Variants in PCDHGA11 observed in about 807,000 individuals in gnomAD.
The protein encoded by PCDHGA11 is protocadherin gamma subfamily A, 11.
Under a neutral mutation model 60.4 loss-of-function variants are expected in PCDHGA11, and 39 were observed. The ratio of observed to expected loss-of-function variants is 0.65; its 90% CI spans 0.50 to 0.84. The LOEUF is 0.84. Among genes scored for constraint, PCDHGA11 ranks in the 40% least tolerant of loss-of-function variants. The probability of loss-of-function intolerance (pLI) is 0.00; values close to 1 mark genes in which losing one functional copy is unlikely to be tolerated. For synonymous variants in PCDHGA11, 533 were observed against 510.3 expected (o/e 1.04, Z -0.60); for missense variants, 1,165 against 1,197.7 (o/e 0.97, Z 0.40).
At position 141,431,435 on chromosome 5, in the gene PCDHGA11, G is replaced by A. The variant is rs376827063; in HGVS notation, c.2433+7775G>A. ...GGGCGACCCGGTGCGCACAGGCACC[G>A]CGCGCATCCGCGTGATGGTTCTGGA... On this transcript the variant is annotated intron_variant, in intron 1 of 3. Coordinates refer to ENST00000398587, the MANE Select transcript of PCDHGA11 (RefSeq NM_018914.3). The surrounding 1 kb of genome is among the most constrained non-coding windows in gnomAD (Gnocchi z 4.8). 2.5e-6 allele frequency: 4 copies of A among 1,613,550 alleles called. No homozygotes were observed. Among genetic ancestry groups the A allele is most frequent in the Non-Finnish European group, 3.4e-6 (4 of 1,180,034 alleles).
rs775170753 is a variant in PCDHGA11, at chr5:141,423,219, T to G, written c.1992T>G (p.Ala664=). The G allele has an allele frequency of 2.5e-6, 4 of 1,613,752 alleles. No homozygotes were observed. The highest frequency in any genetic ancestry group is 3.4e-6 in the Non-Finnish European group (4 of 1,180,028). Residue 664 remains alanine, a synonymous_variant, in exon 1 of 4, where the codon GCT becomes GCG. Transcript: ENST00000398587. ...PLSATVTLTV[A]VADSIPEVLA... ...CGGCCACCGTCACGCTCACCGTGGC[T>G]GTGGCCGACAGCATCCCCGAAGTCC...
At chr5:141,501,600 C>G (rs1320824291) in intron 2 of PCDHGA11, among the ~76,000 whole-genome samples, 1 of 152,040 alleles carries the variant, frequency 6.6e-6, no homozygotes, top group Admixed American at 6.6e-5. Flanking sequence ...TCTACCAGTT[C>G]CAGCTGTGTG....
At chr5:141,460,912 GTA>G (rs34683754) in intron 1 of PCDHGA11, among the ~76,000 whole-genome samples, 12 of 149,310 alleles carry the variant, frequency 8.0e-5, no homozygotes, top group African/African-American at 7.4e-5. Flanking sequence ...ATTCCATGGT[GTA>G]TATATATATA....
intron 1 of PCDHGA11, chr5:141,428,444 T>C (rs2097139811): frequency 5.3e-6 from 2 of 379,264 alleles, no homozygotes; most frequent in Non-Finnish European, 1.0e-5. Context: ...AGACCAGGGG[T>C]TTTTCCCAAC....
chr5:141,453,669 G>T (rs1390396079), intron 1 of PCDHGA11, among the ~76,000 whole-genome samples: 1 of 152,034 alleles, frequency 6.6e-6, no homozygotes, highest in Non-Finnish European at 1.5e-5. Context: ...TTACACAAAA[G>T]GTAACACACT....
chr5:141,451,408 T>C (rs1244686397), intron 1 of PCDHGA11, among the ~76,000 whole-genome samples: 1 of 152,204 alleles, frequency 6.6e-6, no homozygotes, highest in Non-Finnish European at 1.5e-5. Flanking sequence ...ATTAAGTTCC[T>C]TGTGGATTGT....
Position 141,483,506 on chromosome 5 carries a change from T to A in PCDHGA11, c.2434-11301T>A, listed in dbSNP as rs964063329. ...AGGGACAGGGATGAGTCAAGGCTGA[T>A]CCCCCTAGATCCTGACTAAGGAAGC... On this transcript the variant is annotated intron_variant, in intron 1 of 3. Coordinates refer to ENST00000398587, the MANE Select transcript of PCDHGA11 (RefSeq NM_018914.3). Among the ~76,000 whole-genome samples the A allele has an allele frequency of 2.7e-5, 4 of 148,396 alleles. No individual in the cohort carries two copies. In the South Asian group the frequency reaches 8.5e-4, roughly 32 times the overall value.
At position 141,431,392 on chromosome 5, in the gene PCDHGA11, C is replaced by T. The variant is rs572129534; in HGVS notation, c.2433+7732C>T. 3 of 1,613,888 alleles carry T rather than the reference C, an allele frequency of 1.9e-6. No homozygotes were observed. Among genetic ancestry groups the T allele is most frequent in the Non-Finnish European group, 2.5e-6 (3 of 1,180,048 alleles). On this transcript the variant is annotated intron_variant, in intron 1 of 3. Transcript: ENST00000398587. The surrounding 1 kb of genome is among the most constrained non-coding windows in gnomAD (Gnocchi z 4.8). ...AAGAAAAGGCTGCTCACCACCTGGT[C>T]CTTACGGCCTCCGACGGGGGCGACC... is the stretch of plus-strand genomic sequence containing the variant.
rs2099413746 is a variant in PCDHGA11, at chr5:141,477,589, G to A, written c.2434-17218G>A. ...ACCCCGACGCCCCGCAGAATGCTCGGCTTTCTTTCTTTCTCTTGGAGCAAG... is the reference window on the plus strand; with the variant it reads ...ACCCCGACGCCCCGCAGAATGCTCGACTTTCTTTCTTTCTCTTGGAGCAAG... On this transcript the variant is annotated intron_variant, in intron 1 of 3. Transcript: ENST00000398587. The surrounding 1 kb of genome is among the most constrained non-coding windows in gnomAD (Gnocchi z 4.9). 1 of 1,614,012 alleles carries A rather than the reference G, an allele frequency of 6.2e-7. No individual in the cohort carries two copies. The highest frequency in any genetic ancestry group is 1.1e-5 in the South Asian group (1 of 91,090).
chr5:141,432,421 C>T lies in PCDHGA11; in HGVS notation c.2433+8761C>T, dbSNP rs771647620. 10 of 1,614,126 alleles carry T rather than the reference C, an allele frequency of 6.2e-6. No homozygotes were observed. In the African/African-American group the frequency reaches 1.2e-4, roughly 19 times the overall value. ...TGTCGTTGAGCCTGTTCGTGCTGGA[C>T]CAGAACGACAATGCGCCCGAGATCC... On this transcript the variant is annotated intron_variant, in intron 1 of 3. Transcript: ENST00000398587. This position sits in a 1 kb window ranked among gnomAD's most constrained non-coding sequence, Gnocchi z 6.0.
chr5:141,440,997 A>G (rs1191545127), intron 1 of PCDHGA11: 1 of 152,178 alleles, frequency 6.6e-6, no homozygotes, highest in East Asian at 1.9e-4. Context: ...ACCCATATCT[A>G]GTTTGGCCTT....
At chr5:141,509,032 A>G (rs2099873869) in intron 3 of PCDHGA11, among the ~76,000 whole-genome samples, 1 of 151,488 alleles carries the variant, frequency 6.6e-6, no homozygotes, top group African/African-American at 2.4e-5. Flanking sequence ...CTCCCACTCA[A>G]CCCCTCTCCC....
intron 1 of PCDHGA11, chr5:141,492,046 A>C: frequency 6.1e-6 from 3 of 494,434 alleles, no homozygotes; most frequent in South Asian, 8.1e-5. Flanking sequence ...TCACAGATCC[A>C]CCCCTGCAGC....
In PCDHGA11 at chr5:141,511,405, T is replaced by C. The variant is rs1274658643; in HGVS notation, c.*232T>C. The C allele has an allele frequency of 2.2e-5, 21 of 944,066 alleles. No homozygotes were observed. In the East Asian group the frequency reaches 5.8e-4, roughly 26 times the overall value. 58.5% of individuals were successfully genotyped at this position (944,066 alleles called of 1,614,324 possible). On this transcript the variant is annotated 3_prime_UTR_variant, in exon 4 of 4. Transcript: ENST00000398587. ...CGCTGGGAACCCCCATCCAATCAACTGCTGTACCCATGGGGGTAGTGGGGT... is the reference window on the plus strand; with the variant it reads ...CGCTGGGAACCCCCATCCAATCAACCGCTGTACCCATGGGGGTAGTGGGGT...
At chr5:141,454,092 T>C (rs552760379) in intron 1 of PCDHGA11, among the ~76,000 whole-genome samples, 2 of 152,316 alleles carry the variant, frequency 1.3e-5, no homozygotes, top group East Asian at 3.9e-4. Flanking sequence ...GAAATTTGAA[T>C]TGAACATAAA....
rs762783104 is a variant in PCDHGA11 at position 141,485,601 on chromosome 5, G to A, written c.2434-9206G>A. 4.3e-6 allele frequency: 7 copies of A among 1,612,290 alleles called. No homozygotes were observed. The highest frequency in any genetic ancestry group is 5.9e-6 in the Non-Finnish European group (7 of 1,178,722). On this transcript the variant is annotated intron_variant, in intron 1 of 3. Transcript: ENST00000398587. The surrounding 1 kb of genome is among the most constrained non-coding windows in gnomAD (Gnocchi z 5.7). ...CGGCAGCAGCTGGACTTGGAAATTG[G>A]GGAGGCAGCTCCTCCAGGACAGCGT...
chr5:141,468,952 G>GA (rs2099186671), intron 1 of PCDHGA11, among the ~76,000 whole-genome samples: 1 of 151,198 alleles, frequency 6.6e-6, no homozygotes. Context: ...TAAACCTGTG[G>GA]TTTTTTTTAC....
rs551289441 is a variant in PCDHGA11, at chr5:141,444,102, C to T, written c.2433+20442C>T. ...TGAAAAGTCTGCTAAGGATTGGAAACCAAGAAAAGTGAAGTATCTCAACAG... is the reference window on the plus strand; with the variant it reads ...TGAAAAGTCTGCTAAGGATTGGAAATCAAGAAAAGTGAAGTATCTCAACAG... On this transcript the variant is annotated intron_variant, in intron 1 of 3. Coordinates refer to ENST00000398587, the MANE Select transcript of PCDHGA11 (RefSeq NM_018914.3). Among the ~76,000 whole-genome samples the T allele has an allele frequency of 1.5e-3, 216 of 144,128 alleles. 1 individual carries two copies. Among genetic ancestry groups the T allele is most frequent in the African/African-American group, 5.4e-3 (211 of 38,798 alleles). 94.6% of individuals were successfully genotyped at this position (144,128 alleles called of 152,430 possible).
chr5:141,477,063 A>G lies in PCDHGA11; in HGVS notation c.2434-17744A>G, dbSNP rs2099404387. 6.2e-7 allele frequency: 1 copy of G among 1,614,248 alleles called. No individual in the cohort carries two copies. On this transcript the variant is annotated intron_variant, in intron 1 of 3. Coordinates refer to ENST00000398587, the MANE Select transcript of PCDHGA11 (RefSeq NM_018914.3). The surrounding 1 kb of genome is among the most constrained non-coding windows in gnomAD (Gnocchi z 4.9). Reference sequence around the variant, plus strand: ...GGTCGGCTGGACTTCGAGGACACCAAACTCCATGAGATTTACATCCAGGCC... The same window carrying G: ...GGTCGGCTGGACTTCGAGGACACCAGACTCCATGAGATTTACATCCAGGCC...
Sources: gnomAD v4.1 joint callset for allele counts (sites outside exome capture counted in the v4.1 genomes callset) on GRCh38, gnomAD v4.1.1 for gene constraint, Gnocchi (gnomAD v3.1) non-coding constraint, MANE v1.5 for transcripts, NCBI Gene and HGNC (gene_info 2026-07-23, HGNC 2026-07-21) for gene names.